ZNF366: variants seen among roughly 807,000 people sequenced by gnomAD.
The protein encoded by ZNF366 is dendritic cell-specific transcript protein.
A neutral mutation model predicts 47.2 loss-of-function variants in ZNF366; 20 were observed. The ratio of observed to expected loss-of-function variants is 0.42; its 90% CI spans 0.30 to 0.62. The LOEUF (loss-of-function observed/expected upper bound fraction) is 0.62. ZNF366 is among the 20% of genes least tolerant of loss of function. The pLI is 0.16. For missense variants in ZNF366, 987 were observed against 976.3 expected, an observed-to-expected ratio of 1.01 and a Z score of -0.15; for synonymous variants, 421 against 395.1, an observed-to-expected ratio of 1.07 and a Z score of -0.78.
intron 1 of ZNF366, among the ~76,000 whole-genome samples, chr5:72,466,375 C>G (rs1277913526): frequency 6.6e-6 from 1 of 152,206 alleles, no homozygotes; most frequent in African/African-American, 2.4e-5. Flanking sequence ...AAAGGCTGAT[C>G]TCATGAGCTA....
intron 1 of ZNF366, among the ~76,000 whole-genome samples, chr5:72,471,820 T>C (rs935538116): frequency 1.3e-5 from 2 of 152,208 alleles, no homozygotes; most frequent in African/African-American, 4.8e-5. Context: ...GGCATTTTAA[T>C]AGACTCCTTG....
At position 72,460,897 on chromosome 5, in the gene ZNF366, C is replaced by T. The variant is rs1743294587; in HGVS notation, c.600G>A (p.Arg200=). 6.2e-7 allele frequency: 1 copy of T among 1,613,086 alleles called. No homozygotes were observed. The highest frequency in any genetic ancestry group is 2.2e-5 in the East Asian group (1 of 44,838). Residue 200 remains arginine, a synonymous_variant, in exon 2 of 5, where the codon CGG becomes CGA. Transcript: ENST00000318442. ...GGGGCTGCTTGGGCAGGAAGGTGTGCCGGCTGAAGGGGAAGGGCGAGGACG... is the reference window on the plus strand; with the variant it reads ...GGGGCTGCTTGGGCAGGAAGGTGTGTCGGCTGAAGGGGAAGGGCGAGGACG... ...VPSSSPFPFS[R]HTFLPKQPPE...
intron 1 of ZNF366, among the ~76,000 whole-genome samples, chr5:72,490,436 C>T (rs1743981996): frequency 6.6e-6 from 1 of 152,090 alleles, no homozygotes; most frequent in Admixed American, 6.5e-5. Flanking sequence ...ATAAAGCCTC[C>T]ACTTTTGAAG....
chr5:72,463,718 C>T (rs1743377998), intron 1 of ZNF366, among the ~76,000 whole-genome samples: 1 of 152,196 alleles, frequency 6.6e-6, no homozygotes, highest in South Asian at 2.1e-4. Context: ...AAAGGACCAG[C>T]AGGAGGATGG....
intron 1 of ZNF366, among the ~76,000 whole-genome samples, chr5:72,471,063 C>A (rs1361254935): frequency 1.3e-5 from 2 of 152,214 alleles, no homozygotes; most frequent in African/African-American, 4.8e-5. Context: ...CACATTCCTG[C>A]AAATACAGTG....
rs569900355 is a variant in ZNF366, at chr5:72,442,651, CTTTTTTTTTTTTT to C, written c.*1092_*1104del. The stretch of plus-strand genomic sequence containing the variant: ...GGTGACAAGTCTTCCTGCATCTGTC[CTTTTTTTTTTTTT>C]TTTTTTTTTGAGGCAGAGTCTCACT... On this transcript the variant is annotated 3_prime_UTR_variant, in exon 5 of 5. Coordinates refer to ENST00000318442, the MANE Select transcript of ZNF366 (RefSeq NM_152625.3). 1.1e-5 allele frequency: 1 copy of C among 91,618 alleles called. No homozygotes were observed. The highest frequency in any genetic ancestry group is 2.2e-5 in the Non-Finnish European group (1 of 44,508). 5.7% of individuals were successfully genotyped at this position (91,618 alleles called of 1,614,324 possible). A position where few individuals can be genotyped will look rare whatever the true frequency, so the allele number is the denominator to read the frequency against.
intron 3 of ZNF366, among the ~76,000 whole-genome samples, chr5:72,450,817 T>C (rs1743054427): frequency 6.6e-6 from 1 of 152,154 alleles, no homozygotes; most frequent in Non-Finnish European, 1.5e-5. Flanking sequence ...TATGGAGATA[T>C]TTTATGTCTG....
intron 1 of ZNF366, among the ~76,000 whole-genome samples, chr5:72,504,108 C>T (rs1045720460): frequency 1.3e-5 from 2 of 151,628 alleles, no homozygotes; most frequent in Non-Finnish European, 2.9e-5. Flanking sequence ...CGTGCATGCA[C>T]ACACACACGC....
intron 2 of ZNF366, among the ~76,000 whole-genome samples, chr5:72,457,816 CA>C (rs1364629383): frequency 6.6e-6 from 1 of 152,020 alleles, no homozygotes; most frequent in Non-Finnish European, 1.5e-5. Context: ...CTGTCTAGTC[CA>C]GATGATGGTA....
intron 3 of ZNF366, 108 bp from the exon 4 acceptor site, chr5:72,447,525 A>C: frequency 1.5e-6 from 2 of 1,320,816 alleles, no homozygotes; most frequent in South Asian, 1.5e-5. Context: ...TTGACATTTT[A>C]ATCTGCTTGC....
intron 4 of ZNF366, among the ~76,000 whole-genome samples, chr5:72,444,627 T>A (rs1742925776): frequency 6.6e-6 from 1 of 151,938 alleles, no homozygotes; most frequent in Admixed American, 6.5e-5. Flanking sequence ...TTTATCACAG[T>A]CAAACAATGA....
At chr5:72,447,536 A>G in intron 3 of ZNF366, 119 bp from the exon 4 acceptor site, 1 of 1,218,740 alleles carries the variant, frequency 8.2e-7, no homozygotes, top group South Asian at 1.6e-5. Flanking sequence ...ATCTGCTTGC[A>G]AGGAAAATGT....
Position 72,460,483 on chromosome 5 carries a change from G to A in ZNF366, c.1014C>T (p.Asn338=). The part of the protein sequence containing the change: ...MMQHSEVKPH[N]CRVCGRGFAY... Reference sequence around the variant, plus strand: ...CAAAGCCGCGGCCGCACACGCGGCAGTTGTGCGGCTTCACCTCGCTGTGCT... The same window carrying A: ...CAAAGCCGCGGCCGCACACGCGGCAATTGTGCGGCTTCACCTCGCTGTGCT... Residue 338 remains asparagine, a synonymous_variant, in exon 2 of 5, where the codon AAC becomes AAT. Coordinates refer to ENST00000318442, the MANE Select transcript of ZNF366 (RefSeq NM_152625.3). 1 of 1,613,974 alleles carries A rather than the reference G, an allele frequency of 6.2e-7. No homozygotes were observed. Among genetic ancestry groups the A allele is most frequent in the Admixed American group, 1.7e-5 (1 of 60,008 alleles).
At chr5:72,481,061 G>A (rs1743781747) in intron 1 of ZNF366, among the ~76,000 whole-genome samples, 1 of 152,168 alleles carries the variant, frequency 6.6e-6, no homozygotes, top group Non-Finnish European at 1.5e-5. Flanking sequence ...AAACGGACAG[G>A]TGACTCAGCT....
intron 1 of ZNF366, among the ~76,000 whole-genome samples, chr5:72,496,673 T>G (rs909134414): frequency 1.3e-5 from 2 of 152,202 alleles, no homozygotes; most frequent in Non-Finnish European, 2.9e-5. Context: ...GGCTGGGTTG[T>G]ATGGTAAGCA....
intron 3 of ZNF366, among the ~76,000 whole-genome samples, chr5:72,448,416 G>A (rs759982824): frequency 3.3e-5 from 5 of 152,198 alleles, no homozygotes; most frequent in Non-Finnish European, 5.9e-5. Context: ...TGCAGAAAGC[G>A]CAACCCAGAA....
rs201795699 is a variant in ZNF366, at chr5:72,460,762, G to A, written c.735C>T (p.Asp245=). The change falls in exon 2 of 5, where the codon GAC becomes GAT. Residue 245 remains aspartate, a synonymous_variant. Transcript: ENST00000318442. ...GCCAGCGCTTCTGCGAGCCGCCCAC[G>A]TCCACGTAGTAGCTGTCATCGATCT... The part of the protein sequence containing the change: ...NVQIDDSYYV[D]VGGSQKRWQC... 7 of 1,614,080 alleles carry A rather than the reference G, an allele frequency of 4.3e-6. No homozygotes were observed. Among genetic ancestry groups the A allele is most frequent in the Admixed American group, 3.3e-5 (2 of 60,014 alleles).
At position 72,460,343 on chromosome 5, in the gene ZNF366, G is replaced by A. The variant is rs773038737; in HGVS notation, c.1154C>T (p.Thr385Ile). 3 of 1,614,258 alleles carry A rather than the reference G, an allele frequency of 1.9e-6. No individual in the cohort carries two copies. Among genetic ancestry groups the A allele is most frequent in the South Asian group, 2.2e-5 (2 of 91,088 alleles). Reference protein sequence around the residue: ...PTLAQLKRHLTTHRGPIQYNC... With the variant: ...PTLAQLKRHLITHRGPIQYNC... ...GTACTGGATGGGGCCCCGGTGCGTGGTGAGGTGTCTCTTCAGCTGGGCCAA... is the reference window on the plus strand; with the variant it reads ...GTACTGGATGGGGCCCCGGTGCGTGATGAGGTGTCTCTTCAGCTGGGCCAA... Residue 385 changes from threonine to isoleucine, a missense_variant, in exon 2 of 5, where the codon ACC (threonine) becomes ATC (isoleucine). Physicochemically the swap from Thr to Ile is moderately conservative, Grantham distance 89. Coordinates refer to ENST00000318442, the MANE Select transcript of ZNF366 (RefSeq NM_152625.3).
chr5:72,454,375 G>T (rs1743138515), intron 3 of ZNF366, among the ~76,000 whole-genome samples: 1 of 152,196 alleles, frequency 6.6e-6, no homozygotes, highest in Non-Finnish European at 1.5e-5. Flanking sequence ...TAGATCCTCA[G>T]ATACTACCTG....
Sources: allele counts gnomAD v4.1 joint callset (sites outside exome capture counted in the v4.1 genomes callset), GRCh38; gene constraint gnomAD v4.1.1; transcripts MANE v1.5; gene names NCBI Gene and HGNC (gene_info 2026-07-23, HGNC 2026-07-21).